The following UBAP2 variants were observed in gnomAD, a reference collection of about 807,000 sequenced individuals.
The protein encoded by UBAP2 is ubiquitin associated protein 2, also known as ubiquitin-associated protein 2.
Under a neutral mutation model 139.6 loss-of-function variants are expected in UBAP2, and 75 were observed. That is an observed-to-expected ratio of 0.54 (90% CI 0.45 to 0.65). UBAP2 has a LOEUF of 0.65. Among genes scored for constraint, UBAP2 ranks in the 30% least tolerant of loss-of-function variants. UBAP2 has a pLI of 0.00. For missense variants in UBAP2, 1,368 were observed against 1,369.6 expected (o/e 1.00, Z 0.02); for synonymous variants, 526 against 526.2 (o/e 1.00, Z 0.01).
intron 1 of UBAP2, among the ~76,000 whole-genome samples, chr9:34,048,586 G>A (rs983089180): frequency 6.6e-6 from 1 of 152,128 alleles, no homozygotes; most frequent in Non-Finnish European, 1.5e-5. Context: ...CGACCTGGAC[G>A]GGGGAAAGTA....
intron 10 of UBAP2, 96 bp from the exon 11 acceptor site, chr9:33,956,242 C>T (rs1826553403): frequency 1.1e-5 from 9 of 791,968 alleles, no homozygotes; most frequent in Non-Finnish European, 1.9e-5. Flanking sequence ...TAGTCTCTTA[C>T]ACTTCGCATA....
At chr9:34,044,814 G>A (rs1587711241) in intron 1 of UBAP2, among the ~76,000 whole-genome samples, 1 of 151,552 alleles carries the variant, frequency 6.6e-6, no homozygotes, top group African/African-American at 2.4e-5. Context: ...TGCAGTGGGC[G>A]AAGATCGTAC....
rs1257963744 is a variant in UBAP2 at position 33,923,497 on chromosome 9, G to A, written c.2797-19C>T. 1.9e-6 allele frequency: 3 copies of A among 1,612,180 alleles called. No individual in the cohort carries two copies. The highest frequency in any genetic ancestry group is 3.3e-5 in the Admixed American group (2 of 59,998). On this transcript the variant is annotated intron_variant, in intron 24 of 28. Coordinates refer to ENST00000379238, the MANE Select transcript of UBAP2 (RefSeq NM_001370062.2). ...GAGGGACCTGGGGGGGCAAGCAGAT[G>A]AGGTATTAGTGTAGGAAGAGGCAAG...
chr9:33,954,269 TACACACACACACACAC>T (rs60078088), intron 11 of UBAP2, among the ~76,000 whole-genome samples: 1 of 139,810 alleles, frequency 7.2e-6, no homozygotes, highest in Admixed American at 7.2e-5. Context: ...TGTGTGTATA[TACACACACACACACAC>T]ACACACACAC....
chr9:33,959,941 T>C (rs567719415), intron 10 of UBAP2, among the ~76,000 whole-genome samples: 12 of 152,176 alleles, frequency 7.9e-5, no homozygotes, highest in Admixed American at 5.9e-4. Context: ...CTGGTAAATT[T>C]TGTTTGTTTG....
chr9:34,018,230 T>G (rs1199977321), intron 1 of UBAP2, among the ~76,000 whole-genome samples: 1 of 6,432 alleles, frequency 1.6e-4, no homozygotes, highest in Non-Finnish European at 2.0e-3. Context: ...GCGATTACAA[T>G]TTTTTTTTTT....
At chr9:34,017,466 T>C (rs1192236524) in intron 1 of UBAP2, among the ~76,000 whole-genome samples, 1 of 152,192 alleles carries the variant, frequency 6.6e-6, no homozygotes, top group Non-Finnish European at 1.5e-5. Context: ...ATGTAGTCAC[T>C]GTACATGAAG....
intron 8 of UBAP2, among the ~76,000 whole-genome samples, chr9:33,965,039 T>C (rs1267278622): frequency 6.6e-6 from 1 of 152,242 alleles, no homozygotes; most frequent in Non-Finnish European, 1.5e-5. Flanking sequence ...TTGTTTGCTA[T>C]CCATTTATCA....
chr9:33,959,511 A>T (rs1826851724), intron 10 of UBAP2, among the ~76,000 whole-genome samples: 1 of 152,154 alleles, frequency 6.6e-6, no homozygotes, highest in Non-Finnish European at 1.5e-5. Flanking sequence ...TACCAAACTC[A>T]AGAGTTCTAG....
chr9:33,998,401 GA>G (rs755576935), intron 3 of UBAP2: 8 of 165,456 alleles, frequency 4.8e-5, no homozygotes, highest in Non-Finnish European at 6.5e-5. Context: ...ACGTCTCTAT[GA>G]AAAAAAAATT....
At chr9:34,004,366 C>T (rs2131217282) in intron 2 of UBAP2, among the ~76,000 whole-genome samples, 1 of 152,138 alleles carries the variant, frequency 6.6e-6, no homozygotes, top group East Asian at 1.9e-4. Context: ...GTGCTGTAGT[C>T]CCAGCTACCC....
intron 6 of UBAP2, among the ~76,000 whole-genome samples, chr9:33,979,526 G>A (rs879170411): frequency 6.6e-6 from 1 of 151,940 alleles, no homozygotes; most frequent in African/African-American, 2.4e-5. Flanking sequence ...GGTGAGCCAA[G>A]ATCCCACCAT....
At chr9:33,928,459 C>T (rs1823675394) in intron 19 of UBAP2, 1 of 154,596 alleles carries the variant, frequency 6.5e-6, no homozygotes, top group South Asian at 2.0e-4. Context: ...GATTTCCCTT[C>T]TATTGGGATT....
intron 1 of UBAP2, among the ~76,000 whole-genome samples, chr9:34,045,384 A>T (rs1334262575): frequency 6.6e-6 from 1 of 151,758 alleles, no homozygotes; most frequent in Non-Finnish European, 1.5e-5. Flanking sequence ...TTAAAAAAAA[A>T]ATTTTTTTTT....
At chr9:33,951,400 G>A (rs13302422) in intron 12 of UBAP2, among the ~76,000 whole-genome samples, 18,339 of 130,800 alleles carry the variant, frequency 0.14, 1,493 homozygotes, top group African/African-American at 0.24. Context: ...AGGCTGGAGT[G>A]CAATGGCATG....
intron 12 of UBAP2, among the ~76,000 whole-genome samples, chr9:33,949,569 G>A (rs1380859798): frequency 6.6e-6 from 1 of 152,126 alleles, no homozygotes; most frequent in African/African-American, 2.4e-5. Context: ...CAGGGATGGT[G>A]GTGAACGCCT....
chr9:33,922,575 G>T lies in UBAP2; in HGVS notation c.3289C>A (p.Pro1097Thr). 6.2e-7 allele frequency: 1 copy of T among 1,613,580 alleles called. No individual in the cohort carries two copies. Among genetic ancestry groups the T allele is most frequent in the Non-Finnish European group, 8.5e-7 (1 of 1,179,888 alleles). The change falls in exon 29 of 29, where the codon CCC becomes ACC. Residue 1097 changes from proline to threonine, a missense_variant. Pro to Thr is a conservative substitution (Grantham distance 38, BLOSUM62 -1). Transcript: ENST00000379238. Reference protein sequence around the residue: ...AQSGSGQRSQPSSLQPKSQAS... With the variant: ...AQSGSGQRSQTSSLQPKSQAS... ...TGAGACTTGGGCTGCAGGGAGCTGGGCTGGCTGCGCTGACCCGAGCCACTC... is the reference window on the plus strand; with the variant it reads ...TGAGACTTGGGCTGCAGGGAGCTGGTCTGGCTGCGCTGACCCGAGCCACTC...
intron 1 of UBAP2, among the ~76,000 whole-genome samples, chr9:34,032,641 A>G (rs1206285203): frequency 6.6e-6 from 1 of 152,150 alleles, no homozygotes; most frequent in African/African-American, 2.4e-5. Context: ...TTTGTTTCTT[A>G]GGCTGGGTGT....
chr9:33,966,969 C>A (rs1827511904), intron 8 of UBAP2, among the ~76,000 whole-genome samples: 1 of 151,924 alleles, frequency 6.6e-6, no homozygotes, highest in African/African-American at 2.4e-5. Context: ...AAGACTGAGT[C>A]AGTAAAAACT....
Sources: allele counts gnomAD v4.1 joint callset (sites outside exome capture counted in the v4.1 genomes callset), GRCh38; gene constraint gnomAD v4.1.1; transcripts MANE v1.5; gene names NCBI Gene and HGNC (gene_info 2026-07-23, HGNC 2026-07-21).